Variants in RANBP3 observed in about 807,000 individuals in gnomAD.
RANBP3 encodes the protein ran-binding protein 3.
In RANBP3, 14 loss-of-function variants were observed where a neutral mutation model predicts 77.3. The observed-to-expected ratio is 0.18, with a 90% CI of 0.12 to 0.28. The LOEUF (loss-of-function observed/expected upper bound fraction) is 0.28, where lower values mean the gene tolerates loss of function less well. Among genes scored for constraint, RANBP3 ranks in the 10% least tolerant of loss-of-function variants. The probability of loss-of-function intolerance (pLI) is 1.00; values close to 1 mark genes in which losing one functional copy is unlikely to be tolerated. For synonymous variants in RANBP3, 315 were observed against 312.4 expected (o/e 1.01, Z -0.09); for missense variants, 586 against 752.3 (o/e 0.78, Z 2.59).
intron 8 of RANBP3, among the ~76,000 whole-genome samples, chr19:5,930,333 T>A (rs1022481610): frequency 6.6e-6 from 1 of 152,144 alleles, no homozygotes; most frequent in Non-Finnish European, 1.5e-5. Context: ...AGCCAGAACA[T>A]CTACTGGGGA....
intron 5 of RANBP3, chr19:5,934,095 A>G (rs888272391): frequency 3.3e-5 from 5 of 152,260 alleles, no homozygotes; most frequent in Admixed American, 2.0e-4. Flanking sequence ...CGGGCTGACA[A>G]ATTCACAAAA....
chr19:5,923,306 GAA>G lies in RANBP3; in HGVS notation c.1100-5_1100-4del. 1 of 1,613,802 alleles carries G rather than the reference GAA, an allele frequency of 6.2e-7. No homozygotes were observed. Among genetic ancestry groups the G allele is most frequent in the Non-Finnish European group, 8.5e-7 (1 of 1,179,716 alleles). On this transcript the variant is annotated splice_region_variant and splice_polypyrimidine_tract_variant and intron_variant, in intron 12 of 16. Transcript: ENST00000340578. ...GGCTGCCGACTCAGCCAGGGACTCT[GAA>G]AAGTTATTGGCCAAAAAGACTGACT...
intron 6 of RANBP3, chr19:5,933,028 C>T: frequency 3.9e-6 from 1 of 258,990 alleles, no homozygotes; most frequent in Non-Finnish European, 7.4e-6. Context: ...TCACTAGCAG[C>T]CGGCTCACTA....
intron 3 of RANBP3, among the ~76,000 whole-genome samples, chr19:5,946,138 T>A (rs935440309): frequency 5.3e-5 from 8 of 152,162 alleles, no homozygotes; most frequent in African/African-American, 1.9e-4. Flanking sequence ...GAGCACCACC[T>A]CTAGGGTAAG....
intron 1 of RANBP3, among the ~76,000 whole-genome samples, chr19:5,964,853 G>C (rs889855358): frequency 7.2e-5 from 2 of 27,956 alleles, no homozygotes; most frequent in East Asian, 2.1e-3. Context: ...GTGGTAGGGT[G>C]GGGGGGGGGG....
chr19:5,945,485 T>C (rs2058192376), intron 3 of RANBP3, among the ~76,000 whole-genome samples: 1 of 152,208 alleles, frequency 6.6e-6, no homozygotes, highest in South Asian at 2.1e-4. Flanking sequence ...CATGGAGAAT[T>C]TTCCATGTGC....
At chr19:5,938,340 G>C (rs1416412143) in intron 5 of RANBP3, among the ~76,000 whole-genome samples, 2 of 152,148 alleles carry the variant, frequency 1.3e-5, no homozygotes, top group Non-Finnish European at 2.9e-5. Context: ...TCCAGTGAAA[G>C]ACCAAAAAGG....
Position 5,924,780 on chromosome 19 carries a change from G to T in RANBP3, c.996+47C>A, listed in dbSNP as rs777841663. On this transcript the variant is annotated intron_variant, in intron 11 of 16. Transcript: ENST00000340578. This position sits in a 1 kb window ranked among gnomAD's most constrained non-coding sequence, Gnocchi z 4.7. ...CATGTCCCCTTGACCTGTGGCTGGC[G>T]CCGAGAGCCTCTGGTCCCTGAGAAC... is the stretch of plus-strand genomic sequence containing the variant. 5 of 1,562,248 alleles carry T rather than the reference G, an allele frequency of 3.2e-6. No homozygotes were observed. The South Asian group carries it at 5.6e-5, about 17-fold the overall frequency.
chr19:5,924,077 T>C lies in RANBP3; in HGVS notation c.997-163A>G, dbSNP rs2057867523. 6.6e-6 allele frequency among the ~76,000 whole-genome samples: 1 copy of C among 152,262 alleles called. No homozygotes were observed. Among genetic ancestry groups the C allele is most frequent in the Non-Finnish European group, 1.5e-5 (1 of 68,012 alleles). On this transcript the variant is annotated intron_variant, in intron 11 of 16. Transcript: ENST00000340578. This position sits in a 1 kb window ranked among gnomAD's most constrained non-coding sequence, Gnocchi z 4.7. ...GCCTGGGAGCTCCCCACGTGGTCCCTCAGGCATCACTACGGGGTGAGTGCC... is the reference window on the plus strand; with the variant it reads ...GCCTGGGAGCTCCCCACGTGGTCCCCCAGGCATCACTACGGGGTGAGTGCC...
intron 3 of RANBP3, among the ~76,000 whole-genome samples, chr19:5,945,054 G>C (rs1420651349): frequency 2.6e-5 from 4 of 152,102 alleles, no homozygotes; most frequent in Non-Finnish European, 4.4e-5. Context: ...TGACCTCCAG[G>C]CCCCTTATAC....
In RANBP3 at chr19:5,921,389, G is replaced by A; in HGVS notation, c.1210-68C>T. 1.3e-6 allele frequency: 2 copies of A among 1,591,682 alleles called. No homozygotes were observed. Among genetic ancestry groups the A allele is most frequent in the South Asian group, 1.1e-5 (1 of 88,372 alleles). ...GTCCTGCTGCAGCCACACCCTGAGA[G>A]TCGCCCTTTAGCCTGTGGGGACTGC... On this transcript the variant is annotated intron_variant, in intron 13 of 16. Transcript: ENST00000340578. This position sits in a 1 kb window ranked among gnomAD's most constrained non-coding sequence, Gnocchi z 5.3.
intron 2 of RANBP3, among the ~76,000 whole-genome samples, chr19:5,957,258 C>G (rs1426937850): frequency 6.6e-6 from 1 of 152,290 alleles, no homozygotes; most frequent in Middle Eastern, 3.4e-3. Flanking sequence ...TAGCACCCAT[C>G]GTTGTCTTAT....
At chr19:5,954,392 T>C (rs989324973) in intron 2 of RANBP3, among the ~76,000 whole-genome samples, 1 of 152,140 alleles carries the variant, frequency 6.6e-6, no homozygotes, top group Non-Finnish European at 1.5e-5. Context: ...TATTACTGAA[T>C]TAACATTTTC....
intron 1 of RANBP3, among the ~76,000 whole-genome samples, chr19:5,973,182 G>C (rs1199897310): frequency 6.6e-6 from 1 of 152,210 alleles, no homozygotes; most frequent in Non-Finnish European, 1.5e-5. Flanking sequence ...TCCAAAAGTT[G>C]TTTAAGATAG....
At chr19:5,963,421 C>T (rs2058427563) in intron 1 of RANBP3, among the ~76,000 whole-genome samples, 1 of 152,128 alleles carries the variant, frequency 6.6e-6, no homozygotes, top group South Asian at 2.1e-4. Flanking sequence ...CATGGTGGCG[C>T]ACTCCTGTAG....
Position 5,948,449 on chromosome 19 carries a change from T to C in RANBP3, c.282+2944A>G, listed in dbSNP as rs141165565. Among the ~76,000 whole-genome samples the C allele has an allele frequency of 3.4e-5, 5 of 146,474 alleles. No homozygotes were observed. The South Asian group carries it at 8.6e-4, about 25-fold the overall frequency. ...GCCTGGGCGACAGAGCGAGACTCCA[T>C]GTCAAAAAAAAAAAAAAAAGATAAA... On this transcript the variant is annotated intron_variant, in intron 3 of 16. Transcript: ENST00000340578.
At chr19:5,961,229 G>T (rs180947755) in intron 1 of RANBP3, among the ~76,000 whole-genome samples, 1 of 146,344 alleles carries the variant, frequency 6.8e-6, no homozygotes, top group African/African-American at 2.5e-5. Flanking sequence ...GGATCACGAG[G>T]TCAGGAGATT....
chr19:5,918,393 T>TCCCCCCCCCCCCCCCCCCCCCC, intron 15 of RANBP3, 103 bp downstream of exon 15: 1 of 143,368 alleles, frequency 7.0e-6, no homozygotes, highest in Non-Finnish European at 1.4e-5. Context: ...CTGAAGCCCC[T>TCCCCCCCCCCCCCCCCCCCCCC]CCCCCCTCCC....
intron 2 of RANBP3, among the ~76,000 whole-genome samples, chr19:5,953,426 G>A (rs1346133190): frequency 1.3e-5 from 2 of 152,216 alleles, no homozygotes; most frequent in East Asian, 3.9e-4. Context: ...TCACACCAAC[G>A]GTAAGCCTCA....
Sources: gnomAD v4.1 joint callset for allele counts (sites outside exome capture counted in the v4.1 genomes callset) on GRCh38, gnomAD v4.1.1 for gene constraint, Gnocchi (gnomAD v3.1) non-coding constraint, MANE v1.5 for transcripts, NCBI Gene and HGNC (gene_info 2026-07-23, HGNC 2026-07-21) for gene names.